Variants in CHP1 observed in about 807,000 individuals in gnomAD.
The protein encoded by CHP1 is calcineurin B homologous protein 1.
A neutral mutation model predicts 27.4 loss-of-function variants in CHP1; 11 were observed. The observed-to-expected ratio is 0.40, with a 90% CI of 0.25 to 0.67. The LOEUF is 0.67. Ranked by LOEUF, CHP1 falls within the 30% of genes least tolerant of loss-of-function variation. CHP1 has a pLI of 0.38. For missense variants in CHP1, 169 were observed against 251.3 expected (o/e 0.67, Z 2.22); for synonymous variants, 89 against 87.4 (o/e 1.02, Z -0.10).
intron 2 of CHP1, among the ~76,000 whole-genome samples, chr15:41,251,091 C>G (rs2047364413): frequency 6.6e-6 from 1 of 152,112 alleles, no homozygotes; most frequent in South Asian, 2.1e-4. Context: ...CTCAGCCTCC[C>G]AAAGTGCTAG....
At chr15:41,256,889 T>G (rs1260493269) in intron 2 of CHP1, 21 bp from the exon 3 acceptor site, 1 of 1,610,574 alleles carries the variant, frequency 6.2e-7, no homozygotes, top group Admixed American at 1.7e-5. Flanking sequence ...TCTATCTAAC[T>G]CAAGGTGATT....
At chr15:41,251,869 C>A (rs2047369201) in intron 2 of CHP1, among the ~76,000 whole-genome samples, 1 of 148,716 alleles carries the variant, frequency 6.7e-6, no homozygotes, top group South Asian at 2.1e-4. Flanking sequence ...TCTCGGACTC[C>A]TGGGTTGGGA....
At chr15:41,276,499 G>A (rs983354770) in intron 5 of CHP1, among the ~76,000 whole-genome samples, 2 of 152,104 alleles carry the variant, frequency 1.3e-5, no homozygotes, top group Admixed American at 6.5e-5. Flanking sequence ...TGCTTATTTT[G>A]TTTAAGGAAG....
intron 5 of CHP1, 56 bp from the exon 6 acceptor site, chr15:41,278,711 T>TA: frequency 6.2e-7 from 1 of 1,608,046 alleles, no homozygotes. Flanking sequence ...TTAATCTTAG[T>TA]AAAGAGTCCC....
intron 2 of CHP1, among the ~76,000 whole-genome samples, chr15:41,246,982 GAGACCATGGGCTACAGAGCGAGA>G (rs2047338369): frequency 7.0e-6 from 1 of 143,488 alleles, no homozygotes; most frequent in Non-Finnish European, 1.5e-5. Context: ...TCAGGAGGTC[GAGACCATGGGCTACAGAGCGAGA>G]CTCTGTCTCA....
At chr15:41,255,988 G>A (rs1184994236) in intron 2 of CHP1, among the ~76,000 whole-genome samples, 1 of 152,158 alleles carries the variant, frequency 6.6e-6, no homozygotes, top group Non-Finnish European at 1.5e-5. Context: ...TTGCATTCCA[G>A]CCTGGGTGAC....
chr15:41,268,219 C>T (rs1410935290), intron 4 of CHP1, among the ~76,000 whole-genome samples: 1 of 152,134 alleles, frequency 6.6e-6, no homozygotes, highest in East Asian at 1.9e-4. Flanking sequence ...GGAGATGTCA[C>T]TATAGAAAGA....
At chr15:41,255,953 G>A (rs1222042341) in intron 2 of CHP1, among the ~76,000 whole-genome samples, 6 of 152,136 alleles carry the variant, frequency 3.9e-5, no homozygotes, top group Admixed American at 3.9e-4. Context: ...GGAAGTGGAG[G>A]TGGCAGTGAG....
At chr15:41,270,172 G>T (rs2047481372) in intron 4 of CHP1, among the ~76,000 whole-genome samples, 4 of 152,066 alleles carry the variant, frequency 2.6e-5, no homozygotes, top group Admixed American at 1.3e-4. Context: ...TGGTGCCTGT[G>T]TGGTGCCTAT....
chr15:41,249,462 C>CTTTTT (rs1163537727), intron 2 of CHP1, among the ~76,000 whole-genome samples: 8 of 78,532 alleles, frequency 1.0e-4, no homozygotes, highest in Admixed American at 1.6e-4. Context: ...CCTTCACCTT[C>CTTTTT]TTTTTTTTTT....
chr15:41,231,503 C>A, intron 1 of CHP1, 54 bp downstream of exon 1: 1 of 1,532,984 alleles, frequency 6.5e-7, no homozygotes, highest in Non-Finnish European at 8.9e-7. Context: ...GCCTCACAAC[C>A]AAGGGCGGCT....
chr15:41,236,175 C>T (rs2047275817), intron 1 of CHP1, among the ~76,000 whole-genome samples: 1 of 151,536 alleles, frequency 6.6e-6, no homozygotes, highest in Non-Finnish European at 1.5e-5. Context: ...AACTCCTGGC[C>T]TCAAATGATC....
At chr15:41,240,861 T>TTA (rs2047303367) in intron 1 of CHP1, among the ~76,000 whole-genome samples, 1 of 40,030 alleles carries the variant, frequency 2.5e-5, no homozygotes, top group African/African-American at 2.6e-4. Context: ...TTAGTAATTC[T>TTA]TTTTTTTTTT....
intron 4 of CHP1, among the ~76,000 whole-genome samples, chr15:41,267,778 A>C (rs2047468980): frequency 6.6e-6 from 1 of 151,828 alleles, no homozygotes; most frequent in Admixed American, 6.6e-5. Flanking sequence ...ACAAAAAAAA[A>C]AAAAATTGAG....
intron 5 of CHP1, among the ~76,000 whole-genome samples, chr15:41,274,021 C>T (rs573166654): frequency 7.5e-4 from 114 of 151,882 alleles, no homozygotes; most frequent in Non-Finnish European, 1.4e-3. Flanking sequence ...AGTGCAATGG[C>T]GCGATCTCAA....
At position 41,255,659 on chromosome 15, in the gene CHP1, A is replaced by T. The variant is rs552604309; in HGVS notation, c.141-1251A>T. On this transcript the variant is annotated intron_variant, in intron 2 of 6. Coordinates refer to ENST00000334660, the MANE Select transcript of CHP1 (RefSeq NM_007236.5). ...CACTACACTCCAGCCTGGGAGCGAAACTCCATCTCAAAAAAATAAAAATAA... is the reference window on the plus strand; with the variant it reads ...CACTACACTCCAGCCTGGGAGCGAATCTCCATCTCAAAAAAATAAAAATAA... Among the ~76,000 whole-genome samples, 5 of 152,042 alleles carry T rather than the reference A, an allele frequency of 3.3e-5. No individual in the cohort carries two copies. The East Asian group carries it at 9.7e-4, about 29-fold the overall frequency.
chr15:41,232,208 AT>A (rs541011609), intron 1 of CHP1, among the ~76,000 whole-genome samples: 4,913 of 131,600 alleles, frequency 0.037, 142 homozygotes, highest in African/African-American at 0.12. Context: ...CTAGGAACTG[AT>A]TTTTTTTTTT....
At chr15:41,255,546 G>GTAATGCTAGCTCCCA (rs1567007733) in intron 2 of CHP1, among the ~76,000 whole-genome samples, 1 of 151,884 alleles carries the variant, frequency 6.6e-6, no homozygotes, top group East Asian at 1.9e-4. Flanking sequence ...GGTAGCACCC[G>GTAATGCTAGCTCCCA]CTTGTAATGC....
rs570904490 is a variant in CHP1 at position 41,234,505 on chromosome 15, G to A, written c.67+3056G>A. The stretch of plus-strand genomic sequence containing the variant: ...TAAATTTATATTCAGTGCAAAAGCT[G>A]TGCATTGGAATTTGATGATTATATT... On this transcript the variant is annotated intron_variant, in intron 1 of 6. Coordinates refer to ENST00000334660, the MANE Select transcript of CHP1 (RefSeq NM_007236.5). Among the ~76,000 whole-genome samples the A allele has an allele frequency of 7.9e-5, 12 of 152,246 alleles. No individual in the cohort carries two copies. In the South Asian group the frequency reaches 2.5e-3, roughly 32 times the overall value.
Sources: allele counts gnomAD v4.1 joint callset (sites outside exome capture counted in the v4.1 genomes callset), GRCh38; gene constraint gnomAD v4.1.1; transcripts MANE v1.5; gene names NCBI Gene and HGNC (gene_info 2026-07-23, HGNC 2026-07-21).